The following XRRA1 variants were observed in gnomAD, a reference collection of about 807,000 sequenced individuals.
The protein encoded by XRRA1 is X-ray radiation resistance associated 1.
In XRRA1, 69 loss-of-function variants were observed where a neutral mutation model predicts 80.2. The ratio of observed to expected loss-of-function variants is 0.86; its 90% confidence interval spans 0.71 to 1.05. XRRA1 has a LOEUF of 1.05. Among genes scored for constraint, XRRA1 ranks in the 50% least tolerant of loss-of-function variants. The pLI, the probability that XRRA1 is intolerant of heterozygous loss-of-function variation, is 0.00. For synonymous variants in XRRA1, 348 were observed against 389.9 expected (o/e 0.89, Z 1.27); for missense variants, 967 against 976.4 (o/e 0.99, Z 0.13).
chr11:74,927,483 A>G lies in XRRA1; in HGVS notation c.430T>C (p.Phe144Leu). The G allele has an allele frequency of 1.2e-6, 2 of 1,604,812 alleles. No homozygotes were observed. Among genetic ancestry groups the G allele is most frequent in the Non-Finnish European group, 1.7e-6 (2 of 1,171,632 alleles). ...ASENLLPLEA[F>L]HTFPALKELD... Reference sequence around the variant, plus strand: ...TCCTTTAGGGCTGGAAACGTGTGAAATGCCTCTACATGGGGAAGAGAAAGA... The same window carrying G: ...TCCTTTAGGGCTGGAAACGTGTGAAGTGCCTCTACATGGGGAAGAGAAAGA... Residue 144 changes from phenylalanine to leucine, a missense_variant, in exon 7 of 19, where the codon TTT becomes CTT. By Grantham distance (22) the Phe-to-Leu change is conservative. Coordinates refer to ENST00000684022, the MANE Select transcript of XRRA1 (RefSeq NM_001378157.1).
intron 6 of XRRA1, among the ~76,000 whole-genome samples, chr11:74,930,007 T>C (rs920090321): frequency 2.0e-5 from 3 of 152,144 alleles, no homozygotes; most frequent in Non-Finnish European, 4.4e-5. Flanking sequence ...AACATTTTTA[T>C]ACACCCATCT....
chr11:74,849,973 C>T (rs936436801), intron 14 of XRRA1, among the ~76,000 whole-genome samples: 2 of 152,186 alleles, frequency 1.3e-5, no homozygotes, highest in Admixed American at 6.5e-5. Context: ...ATGCAGGCAT[C>T]CCCAGTCTGA....
At chr11:74,875,471 A>G (rs1334302555) in intron 10 of XRRA1, among the ~76,000 whole-genome samples, 1 of 152,238 alleles carries the variant, frequency 6.6e-6, no homozygotes, top group Non-Finnish European at 1.5e-5. Flanking sequence ...AAGATCCTTC[A>G]TCAAGCTTTT....
At position 74,934,731 on chromosome 11, in the gene XRRA1, T is replaced by C. The variant is rs1355370600; in HGVS notation, c.280-859A>G. 2.6e-5 allele frequency among the ~76,000 whole-genome samples: 4 copies of C among 152,134 alleles called. No homozygotes were observed. In the East Asian group the frequency reaches 7.7e-4, roughly 29 times the overall value. On this transcript the variant is annotated intron_variant, in intron 4 of 18. Coordinates refer to ENST00000684022, the MANE Select transcript of XRRA1 (RefSeq NM_001378157.1). ...CAAGATAAGGTTAGTGAGACGGCCA[T>C]TAGATCATATAAGTCCACGCTGGCT...
intron 8 of XRRA1, among the ~76,000 whole-genome samples, chr11:74,911,995 A>G (rs932972261): frequency 6.6e-6 from 1 of 152,204 alleles, no homozygotes; most frequent in African/African-American, 2.4e-5. Flanking sequence ...AACTAAACCT[A>G]TTCTCCTTAT....
chr11:74,845,517 A>C (rs762816279), intron 15 of XRRA1, among the ~76,000 whole-genome samples: 3 of 152,216 alleles, frequency 2.0e-5, no homozygotes, highest in Non-Finnish European at 4.4e-5. Flanking sequence ...CCCTTGGAGG[A>C]ATGCCTTAGC....
At chr11:74,895,858 A>G (rs980673911) in intron 10 of XRRA1, among the ~76,000 whole-genome samples, 2 of 152,184 alleles carry the variant, frequency 1.3e-5, no homozygotes, top group Non-Finnish European at 2.9e-5. Flanking sequence ...CAGTCCTGGC[A>G]GGATTCATCA....
chr11:74,904,278 T>C (rs76509924), intron 10 of XRRA1, among the ~76,000 whole-genome samples: 3,492 of 152,236 alleles, frequency 0.023, 119 homozygotes, highest in African/African-American at 0.079. Flanking sequence ...TAGGTGTTGA[T>C]AGACAAAAGT....
At position 74,848,174 on chromosome 11, in the gene XRRA1, T is replaced by G; in HGVS notation, c.1669A>C (p.Ser557Arg). 1 of 1,613,676 alleles carries G rather than the reference T, an allele frequency of 6.2e-7. No homozygotes were observed. Among genetic ancestry groups the G allele is most frequent in the Non-Finnish European group, 8.5e-7 (1 of 1,179,888 alleles). ...TCCTCATCTGATGGGCGCTCTGGGC[T>G]GAGGCGGACAGTTGTGTCACTCAGG... ...SHLSDTTVRL[S>R]PERPSDEDSK... The change falls in exon 15 of 19, where the codon AGC becomes CGC. Residue 557 changes from serine to arginine, a missense_variant. Coordinates refer to ENST00000684022, the MANE Select transcript of XRRA1 (RefSeq NM_001378157.1).
At chr11:74,906,978 G>A in intron 9 of XRRA1, 167 bp downstream of exon 9, 4 of 839,688 alleles carry the variant, frequency 4.8e-6, no homozygotes, top group South Asian at 1.9e-5. Flanking sequence ...TTTTATGGAG[G>A]AGCCAAAGCT....
At chr11:74,899,457 C>A (rs1436768614) in intron 10 of XRRA1, among the ~76,000 whole-genome samples, 1 of 151,830 alleles carries the variant, frequency 6.6e-6, no homozygotes, top group Non-Finnish European at 1.5e-5. Flanking sequence ...CTACACAAGA[C>A]CAATGAAACA....
chr11:74,844,309 C>CA, intron 16 of XRRA1, 26 bp from the exon 17 acceptor site: 6 of 1,569,322 alleles, frequency 3.8e-6, no homozygotes, highest in Non-Finnish European at 5.2e-6. Context: ...AAGACTGAGT[C>CA]AAGGCACTTC....
At chr11:74,849,632 C>T (rs376055403) in intron 14 of XRRA1, among the ~76,000 whole-genome samples, 5 of 152,162 alleles carry the variant, frequency 3.3e-5, no homozygotes, top group African/African-American at 1.2e-4. Context: ...AGAGGAAATG[C>T]TCTTTCTCTA....
At chr11:74,937,442 CCT>C (rs1424860542) in intron 3 of XRRA1, among the ~76,000 whole-genome samples, 1 of 151,912 alleles carries the variant, frequency 6.6e-6, no homozygotes, top group Non-Finnish European at 1.5e-5. Flanking sequence ...AGAGCTGATC[CCT>C]CTTTCTCATG....
intron 10 of XRRA1, among the ~76,000 whole-genome samples, chr11:74,895,924 A>G (rs1490858090): frequency 6.6e-6 from 1 of 152,208 alleles, no homozygotes; most frequent in Non-Finnish European, 1.5e-5. Context: ...ACCCTGGGCC[A>G]AAAGGGAACC....
At chr11:74,859,065 A>C in intron 12 of XRRA1, 93 bp downstream of exon 12, 5 of 1,412,856 alleles carry the variant, frequency 3.5e-6, no homozygotes, top group Non-Finnish European at 3.7e-6. Flanking sequence ...AATGCAGGGA[A>C]TTGAATGGAG....
At chr11:74,873,987 C>T (rs907457215) in intron 10 of XRRA1, among the ~76,000 whole-genome samples, 1 of 151,926 alleles carries the variant, frequency 6.6e-6, no homozygotes, top group African/African-American at 2.4e-5. Flanking sequence ...CCTGTAATCC[C>T]AGCACTTTGG....
rs2053836178 is a variant in XRRA1 at position 74,902,899 on chromosome 11, C to T, written c.1003+3340G>A. ...TCAATAATACTTTAATTTAATTGTACATTTAAAAATAACTAAAAGAGTATA... is the reference window on the plus strand; with the variant it reads ...TCAATAATACTTTAATTTAATTGTATATTTAAAAATAACTAAAAGAGTATA... On this transcript the variant is annotated intron_variant, in intron 10 of 18. Transcript: ENST00000684022. 2.0e-5 allele frequency among the ~76,000 whole-genome samples: 3 copies of T among 152,074 alleles called. 1 individual carries two copies. Among genetic ancestry groups the T allele is most frequent in the Admixed American group, 2.0e-4 (3 of 15,264 alleles).
chr11:74,939,154 C>T (rs141176787), intron 3 of XRRA1, among the ~76,000 whole-genome samples: 1,753 of 152,104 alleles, frequency 0.012, 47 homozygotes, highest in African/African-American at 0.04. Flanking sequence ...GAGTTCGAGA[C>T]CAGTCTGGCC....
Sources: allele counts gnomAD v4.1 joint callset (sites outside exome capture counted in the v4.1 genomes callset), GRCh38; gene constraint gnomAD v4.1.1; transcripts MANE v1.5; gene names NCBI Gene and HGNC (gene_info 2026-07-23, HGNC 2026-07-21).